The following ARHGAP29 variants were observed in gnomAD, a reference collection of about 807,000 sequenced individuals.
ARHGAP29 encodes rho GTPase-activating protein 29.
ARHGAP29 carries 43 observed loss-of-function variants against 122.6 expected under a neutral mutation model. The ratio of observed to expected loss-of-function variants is 0.35; its 90% CI spans 0.27 to 0.45. ARHGAP29 has a LOEUF of 0.45. Among genes scored for constraint, ARHGAP29 ranks in the 20% least tolerant of loss-of-function variants. ARHGAP29 has a pLI of 1.00. For synonymous variants in ARHGAP29, 506 were observed against 497.1 expected, an observed-to-expected ratio of 1.02 and a Z score of -0.24; for missense variants, 1,303 against 1,477.2, an observed-to-expected ratio of 0.88 and a Z score of 1.93.
chr1:94,302,640 C>A, the ARHGAP29 span: 1 of 445,114 alleles, frequency 2.2e-6, no homozygotes, highest in South Asian at 1.6e-5. Context: ...ATCATCCCTG[C>A]ATGTGTCTAC....
At chr1:94,235,691 T>C (rs1173300691) in intron 1 of ARHGAP29, among the ~76,000 whole-genome samples, 1 of 152,232 alleles carries the variant, frequency 6.6e-6, no homozygotes, top group Non-Finnish European at 1.5e-5. Context: ...TGCATCTCTT[T>C]CAACTTCAAA....
In ARHGAP29 at chr1:94,174,624, G is replaced by A. The variant is rs778056394; in HGVS notation, c.3031C>T (p.Pro1011Ser). The change falls in exon 23 of 23, where the codon CCA becomes TCA. Residue 1011 changes from proline (P) to serine (S), a missense_variant. Pro to Ser is a moderately conservative substitution (Grantham distance 74, BLOSUM62 -1). This residue lies in a region of ARHGAP29 where 620 missense variants were observed against 651.2 expected (regional missense o/e 0.95). Transcript: ENST00000260526. ...RSTNNVERHT[P>S]RTKIRPVSLP... ...CTTACAGGTCTAATCTTGGTCCTTGGAGTATGCCTCTCCACATTGTTTGTT... is the reference window on the plus strand; with the variant it reads ...CTTACAGGTCTAATCTTGGTCCTTGAAGTATGCCTCTCCACATTGTTTGTT... The A allele has an allele frequency of 5.6e-6, 9 of 1,613,916 alleles. No homozygotes were observed. In the African/African-American group the frequency reaches 1.2e-4, roughly 22 times the overall value.
chr1:94,205,955 C>G (rs2101526308), intron 5 of ARHGAP29, among the ~76,000 whole-genome samples: 1 of 152,306 alleles, frequency 6.6e-6, no homozygotes, highest in South Asian at 2.1e-4. Flanking sequence ...CCATTCAAAA[C>G]TTTAAATTTT....
chr1:94,236,192 C>G (rs534230080), intron 1 of ARHGAP29, among the ~76,000 whole-genome samples: 1 of 152,286 alleles, frequency 6.6e-6, no homozygotes, highest in South Asian at 2.1e-4. Flanking sequence ...AGAGTTTTAT[C>G]AATACTATGC....
At chr1:94,201,981 T>C in intron 11 of ARHGAP29, 124 bp from the exon 12 acceptor site, 1 of 965,654 alleles carries the variant, frequency 1.0e-6, no homozygotes, top group Non-Finnish European at 1.5e-6. Flanking sequence ...AAATAATACT[T>C]CTGAAGTTAA....
chr1:94,201,084 T>C (rs1260182215), intron 12 of ARHGAP29, among the ~76,000 whole-genome samples: 1 of 152,148 alleles, frequency 6.6e-6, no homozygotes, highest in Non-Finnish European at 1.5e-5. Context: ...GACAGAATGC[T>C]TTGTCTCCAA....
chr1:94,179,592 CAAAAAAA>C (rs67114194), intron 20 of ARHGAP29, 126 bp downstream of exon 20: 286 of 219,580 alleles, frequency 1.3e-3, no homozygotes, highest in Middle Eastern at 3.2e-3. Flanking sequence ...GACTCTGTCT[CAAAAAAA>C]AAAAAAAAAA....
Position 94,185,447 on chromosome 1 carries a change from C to G in ARHGAP29, c.1815G>C (p.Leu605Phe). 1 of 1,610,996 alleles carries G rather than the reference C, an allele frequency of 6.2e-7. No homozygotes were observed. The highest frequency in any genetic ancestry group is 1.1e-5 in the South Asian group (1 of 90,162). The change falls in exon 17 of 23, where the codon TTG becomes TTC. Residue 605 changes from leucine to phenylalanine, a missense_variant. Coordinates refer to ENST00000260526, the MANE Select transcript of ARHGAP29 (RefSeq NM_004815.4). ...TGTGTGTGAGAGCTGCCTTTGACATCAATGTTTTCTTAAATGTTCCAAGGG... is the reference window on the plus strand; with the variant it reads ...TGTGTGTGAGAGCTGCCTTTGACATGAATGTTTTCTTAAATGTTCCAAGGG... ...PNSLGTFKKTLMSKAALTHKF... is the reference protein window; with the variant it reads ...PNSLGTFKKTFMSKAALTHKF...
At position 94,209,351 on chromosome 1, in the gene ARHGAP29, C is replaced by T; in HGVS notation, c.341-1G>A. On this transcript the variant is annotated splice_acceptor_variant, in intron 3 of 22. Transcript: ENST00000260526. LOFTEE classifies it high-confidence loss of function. Reference sequence around the variant, plus strand: ...TCATTAACTTCTGTGAAGTTCACAGCTGTAAGGAAAAGTTGGTTACAATAA... The same window carrying T: ...TCATTAACTTCTGTGAAGTTCACAGTTGTAAGGAAAAGTTGGTTACAATAA... 1 of 1,593,558 alleles carries T rather than the reference C, an allele frequency of 6.3e-7. No individual in the cohort carries two copies. Among genetic ancestry groups the T allele is most frequent in the Non-Finnish European group, 8.5e-7 (1 of 1,172,516 alleles).
At chr1:94,214,899 C>T (rs541008417) in intron 3 of ARHGAP29, among the ~76,000 whole-genome samples, 2 of 152,198 alleles carry the variant, frequency 1.3e-5, no homozygotes, top group African/African-American at 2.4e-5. Context: ...ATTCTATACA[C>T]ACATAATCAG....
intron 1 of ARHGAP29, among the ~76,000 whole-genome samples, chr1:94,251,686 T>C (rs1359225130): frequency 1.3e-5 from 2 of 152,204 alleles, no homozygotes; most frequent in African/African-American, 4.8e-5. Flanking sequence ...CTGCCTGGAA[T>C]TGGCTTTTCC....
chr1:94,243,120 T>C (rs570577064), intron 1 of ARHGAP29, among the ~76,000 whole-genome samples: 1 of 152,232 alleles, frequency 6.6e-6, no homozygotes, highest in East Asian at 1.9e-4. Flanking sequence ...CACTCTTCTC[T>C]CAGTAATTGA....
At chr1:94,244,360 C>T (rs147319399) in intron 1 of ARHGAP29, among the ~76,000 whole-genome samples, 65 of 152,032 alleles carry the variant, frequency 4.3e-4, no homozygotes, top group African/African-American at 1.4e-3. Flanking sequence ...GTTTAACATT[C>T]ACTAGAAAAA....
chr1:94,226,146 A>G (rs1201458994), intron 2 of ARHGAP29, among the ~76,000 whole-genome samples: 1 of 152,024 alleles, frequency 6.6e-6, no homozygotes, highest in African/African-American at 2.4e-5. Flanking sequence ...AACTCAGCTT[A>G]ACCTCTTTAG....
At chr1:94,263,680 G>A (rs1019280998) in intron 1 of ARHGAP29, among the ~76,000 whole-genome samples, 3 of 152,136 alleles carry the variant, frequency 2.0e-5, no homozygotes, top group Non-Finnish European at 2.9e-5. Context: ...ATCCGTGATA[G>A]TGACTATTAA....
At chr1:94,184,840 T>TG in intron 18 of ARHGAP29, 32 bp downstream of exon 18, 1 of 1,495,862 alleles carries the variant, frequency 6.7e-7, no homozygotes, top group South Asian at 1.3e-5. Context: ...CAGGCATTTA[T>TG]GCTTTTTAAA....
chr1:94,303,703 A>T, the ARHGAP29 span, among the ~76,000 whole-genome samples: 1 of 152,334 alleles, frequency 6.6e-6, no homozygotes, highest in South Asian at 2.1e-4. Flanking sequence ...TATTCTCATA[A>T]CAGCCCTACA....
At chr1:94,181,053 C>A (rs1430002854) in intron 19 of ARHGAP29, among the ~76,000 whole-genome samples, 1 of 152,066 alleles carries the variant, frequency 6.6e-6, no homozygotes, top group Non-Finnish European at 1.5e-5. Flanking sequence ...TCCTGCAATC[C>A]CACTAAAATA....
the ARHGAP29 span, among the ~76,000 whole-genome samples, chr1:94,313,747 C>T: frequency 2.4e-3 from 371 of 152,250 alleles, 1 homozygote; most frequent in African/African-American, 8.5e-3. Context: ...CAGTGATAGA[C>T]TGGATTAAGA....
Sources: allele counts gnomAD v4.1 joint callset (sites outside exome capture counted in the v4.1 genomes callset), GRCh38; gene constraint gnomAD v4.1.1; regional missense constraint gnomAD v4.1.1; transcripts MANE v1.5; gene names NCBI Gene and HGNC (gene_info 2026-07-23, HGNC 2026-07-21).